BCAT1: variants seen among roughly 807,000 people sequenced by gnomAD.
BCAT1 encodes branched-chain-amino-acid aminotransferase, cytosolic.
In BCAT1, 48 loss-of-function variants were observed where a neutral mutation model predicts 52.4. That is an observed-to-expected ratio of 0.92 (90% CI 0.73 to 1.16). The LOEUF (loss-of-function observed/expected upper bound fraction) is 1.16. Ranked by LOEUF, BCAT1 falls within the 50% of genes most tolerant of loss-of-function variation. The pLI is 0.00. For missense variants in BCAT1, 451 were observed against 457.1 expected, an observed-to-expected ratio of 0.99 and a Z score of 0.12; for synonymous variants, 167 against 161.3, an observed-to-expected ratio of 1.04 and a Z score of -0.27.
chr12:24,839,001 T>C (rs545500731), intron 7 of BCAT1, among the ~76,000 whole-genome samples: 1 of 152,338 alleles, frequency 6.6e-6, no homozygotes, highest in Non-Finnish European at 1.5e-5. Flanking sequence ...CCATTTATTC[T>C]ACAAATACAT....
Position 24,905,119 on chromosome 12 carries a change from G to A in BCAT1, c.7-3234C>T, listed in dbSNP as rs147871032. On this transcript the variant is annotated intron_variant, in intron 1 of 10. Coordinates refer to ENST00000261192, the MANE Select transcript of BCAT1 (RefSeq NM_005504.7). ...GGGCCAAAAGAGAGCCTGGGGCTGC[G>A]GTAGACAGAAGAGGATGGAGCTTGG... is the stretch of plus-strand genomic sequence containing the variant. 2.0e-3 allele frequency among the ~76,000 whole-genome samples: 305 copies of A among 152,308 alleles called. 1 individual carries two copies. Among genetic ancestry groups the A allele is most frequent in the African/African-American group, 6.8e-3 (284 of 41,560 alleles).
chr12:24,881,301 C>G lies in BCAT1; in HGVS notation c.390G>C (p.Pro130=), dbSNP rs763202908. ...MYRSAVRATL[P]VFDKEELLEC... is the part of the protein sequence containing the mutation. ...AAAAGAAACTCCTACACTTACATAC[C>G]GGCAGAGTTGCCCTCACAGCAGAGC... The change falls in exon 4 of 11, where the codon CCG becomes CCC. Residue 130 remains proline, a splice_region_variant and synonymous_variant. Transcript: ENST00000261192. 1.2e-6 allele frequency: 2 copies of G among 1,600,846 alleles called. No individual in the cohort carries two copies. The highest frequency in any genetic ancestry group is 2.7e-5 in the African/African-American group (2 of 74,518).
intron 1 of BCAT1, among the ~76,000 whole-genome samples, chr12:24,931,828 C>A (rs1481015395): frequency 6.6e-6 from 1 of 152,112 alleles, no homozygotes; most frequent in Non-Finnish European, 1.5e-5. Context: ...AGGAGAACGC[C>A]ACACGATTCA....
At chr12:24,819,349 T>C (rs1381739859) in intron 10 of BCAT1, among the ~76,000 whole-genome samples, 2 of 152,156 alleles carry the variant, frequency 1.3e-5, no homozygotes, top group Admixed American at 6.5e-5. Context: ...TAAATTAATA[T>C]AAAACATCAG....
chr12:24,862,821 T>TG (rs770357585), intron 5 of BCAT1, among the ~76,000 whole-genome samples: 1 of 147,278 alleles, frequency 6.8e-6, no homozygotes, highest in Non-Finnish European at 1.5e-5. Flanking sequence ...TTTTCATTTG[T>TG]AAAAAAAAAA....
chr12:24,926,667 G>A (rs372149444), intron 1 of BCAT1, among the ~76,000 whole-genome samples: 5 of 152,036 alleles, frequency 3.3e-5, no homozygotes, highest in African/African-American at 4.8e-5. Flanking sequence ...CCCCCAACCC[G>A]GTGCTCTCTG....
chr12:24,834,252 A>C, intron 8 of BCAT1: 5 of 984,410 alleles, frequency 5.1e-6, no homozygotes, highest in Non-Finnish European at 6.0e-6. Context: ...TTTTTTTCCT[A>C]ATATGACTAA....
At chr12:24,832,162 A>G (rs1237038154) in intron 9 of BCAT1, among the ~76,000 whole-genome samples, 1 of 152,190 alleles carries the variant, frequency 6.6e-6, no homozygotes, top group African/African-American at 2.4e-5. Flanking sequence ...GTAACTACCT[A>G]TAGAGCCTTC....
intron 1 of BCAT1, 113 bp downstream of exon 1, chr12:24,948,814 C>T: frequency 8.5e-7 from 1 of 1,174,884 alleles, no homozygotes; most frequent in Non-Finnish European, 1.2e-6. Flanking sequence ...GGGATATAAG[C>T]CATGGTTGTC....
chr12:24,897,314 G>A (rs965185386), intron 2 of BCAT1, among the ~76,000 whole-genome samples: 13 of 152,052 alleles, frequency 8.5e-5, no homozygotes, highest in African/African-American at 2.4e-4. Flanking sequence ...TCAAATTAGC[G>A]GCAAAGCAGG....
intron 8 of BCAT1, chr12:24,834,701 T>C: frequency 9.7e-7 from 1 of 1,034,654 alleles, no homozygotes; most frequent in African/African-American, 1.7e-5. Flanking sequence ...TATGGCTCTT[T>C]GAAAGTTTCA....
At chr12:24,845,149 G>A (rs1172787392) in intron 6 of BCAT1, among the ~76,000 whole-genome samples, 4 of 151,712 alleles carry the variant, frequency 2.6e-5, no homozygotes, top group African/African-American at 7.3e-5. Flanking sequence ...GGGAGGCGGA[G>A]GTTGCAGTGA....
chr12:24,850,683 A>G (rs1007469358), intron 5 of BCAT1, among the ~76,000 whole-genome samples: 2 of 152,186 alleles, frequency 1.3e-5, no homozygotes, highest in Admixed American at 6.6e-5. Context: ...ACCATGTTCA[A>G]ATAAGGCAAA....
At chr12:24,925,060 G>C (rs550022018) in intron 1 of BCAT1, among the ~76,000 whole-genome samples, 1 of 152,288 alleles carries the variant, frequency 6.6e-6, no homozygotes, top group South Asian at 2.1e-4. Context: ...AAGCTATAGT[G>C]CCCAATTGCT....
chr12:24,827,516 G>C (rs1416749484), intron 10 of BCAT1, among the ~76,000 whole-genome samples: 2 of 152,196 alleles, frequency 1.3e-5, no homozygotes, highest in Non-Finnish European at 2.9e-5. Flanking sequence ...CAAGGCCAGG[G>C]TGCGGTGGCT....
chr12:24,935,156 C>T (rs1309863365), intron 1 of BCAT1, among the ~76,000 whole-genome samples: 1 of 152,180 alleles, frequency 6.6e-6, no homozygotes, highest in Admixed American at 6.5e-5. Flanking sequence ...GCCTATAGGA[C>T]ATCCAGAAGA....
At chr12:24,860,180 T>C (rs1318115663) in intron 5 of BCAT1, among the ~76,000 whole-genome samples, 2 of 152,214 alleles carry the variant, frequency 1.3e-5, no homozygotes, top group Non-Finnish European at 2.9e-5. Context: ...GGCTCTTAAA[T>C]GCAGGTTTCT....
chr12:24,917,253 A>G (rs914622829), intron 1 of BCAT1, among the ~76,000 whole-genome samples: 8 of 132,742 alleles, frequency 6.0e-5, no homozygotes, highest in Non-Finnish European at 1.1e-4. Context: ...ATCTCGGCTC[A>G]CTGCAAGCTC....
intron 8 of BCAT1, among the ~76,000 whole-genome samples, 165 bp from the exon 9 acceptor site, chr12:24,833,028 T>G (rs771386623): frequency 3.9e-5 from 6 of 152,206 alleles, no homozygotes; most frequent in African/African-American, 1.4e-4. Flanking sequence ...GGTGAACACA[T>G]CGAGGTGTTA....
Sources: allele counts gnomAD v4.1 joint callset (sites outside exome capture counted in the v4.1 genomes callset), GRCh38; gene constraint gnomAD v4.1.1; transcripts MANE v1.5; gene names NCBI Gene and HGNC (gene_info 2026-07-23, HGNC 2026-07-21).